DIAPH3: variants seen among roughly 807,000 people sequenced by gnomAD.
The protein encoded by DIAPH3 is diaphanous related formin 3.
A neutral mutation model predicts 144.3 loss-of-function variants in DIAPH3; 117 were observed. That is an observed-to-expected ratio of 0.81 (90% CI 0.70 to 0.95). The LOEUF is 0.95. Among genes scored for constraint, DIAPH3 ranks in the 40% least tolerant of loss-of-function variants. The pLI is 0.00. For synonymous variants in DIAPH3, 519 were observed against 488.9 expected, an observed-to-expected ratio of 1.06 and a Z score of -0.81; for missense variants, 1,421 against 1,412.7, an observed-to-expected ratio of 1.01 and a Z score of -0.09.
At chr13:60,149,896 T>C (rs898239564) in intron 1 of DIAPH3, among the ~76,000 whole-genome samples, 1 of 152,074 alleles carries the variant, frequency 6.6e-6, no homozygotes, top group Admixed American at 6.5e-5. Context: ...AAATAATAAA[T>C]GTCATCATGG....
intron 19 of DIAPH3, among the ~76,000 whole-genome samples, chr13:59,914,824 A>G (rs936614871): frequency 6.6e-6 from 1 of 152,226 alleles, no homozygotes; most frequent in Non-Finnish European, 1.5e-5. Context: ...TGATGTTAGC[A>G]TAGTAAGACC....
chr13:59,852,619 T>TA (rs2043041929), intron 22 of DIAPH3, among the ~76,000 whole-genome samples: 1 of 152,198 alleles, frequency 6.6e-6, no homozygotes, highest in African/African-American at 2.4e-5. Flanking sequence ...GTCCAACTCG[T>TA]AAAAATGCAT....
At chr13:60,093,564 A>C in intron 4 of DIAPH3, 64 bp downstream of exon 4, 2 of 1,109,572 alleles carry the variant, frequency 1.8e-6, no homozygotes, top group East Asian at 4.8e-5. Flanking sequence ...TCATTAGATA[A>C]ATGTGCTGTT....
chr13:59,956,637 C>T (rs1463802820), intron 17 of DIAPH3, among the ~76,000 whole-genome samples: 1 of 152,224 alleles, frequency 6.6e-6, no homozygotes, highest in Non-Finnish European at 1.5e-5. Flanking sequence ...CACACAAAGT[C>T]CCCACTAGGG....
chr13:60,085,353 A>G (rs1409130391), intron 4 of DIAPH3, among the ~76,000 whole-genome samples: 3 of 152,090 alleles, frequency 2.0e-5, no homozygotes, highest in African/African-American at 7.2e-5. Flanking sequence ...GTCCATGCTT[A>G]GCCTTTAAAT....
chr13:59,723,694 TC>T (rs1348394605), intron 27 of DIAPH3, among the ~76,000 whole-genome samples: 2 of 151,886 alleles, frequency 1.3e-5, no homozygotes, highest in Non-Finnish European at 2.9e-5. Flanking sequence ...CGCTGCAATC[TC>T]CGCCTCCTGG....
At chr13:60,116,207 T>C (rs186772657) in intron 2 of DIAPH3, among the ~76,000 whole-genome samples, 3 of 152,110 alleles carry the variant, frequency 2.0e-5, no homozygotes, top group Admixed American at 6.5e-5. Flanking sequence ...TAAATAATTA[T>C]CAAGTGGAAG....
At chr13:59,915,872 G>A (rs966982969) in intron 19 of DIAPH3, among the ~76,000 whole-genome samples, 1 of 151,964 alleles carries the variant, frequency 6.6e-6, no homozygotes, top group Non-Finnish European at 1.5e-5. Context: ...CATTAATAAA[G>A]TATAACAAAA....
intron 3 of DIAPH3, among the ~76,000 whole-genome samples, chr13:60,106,218 G>A (rs948879100): frequency 6.6e-6 from 1 of 152,014 alleles, no homozygotes; most frequent in Non-Finnish European, 1.5e-5. Context: ...GACAACAGAC[G>A]TAAATGCAGA....
At chr13:59,899,818 G>T (rs1182092324) in intron 20 of DIAPH3, among the ~76,000 whole-genome samples, 1 of 152,044 alleles carries the variant, frequency 6.6e-6, no homozygotes, top group African/African-American at 2.4e-5. Flanking sequence ...TGTACCTTTT[G>T]CCATCAATTA....
chr13:60,025,970 G>A (rs2054345149), intron 5 of DIAPH3, among the ~76,000 whole-genome samples: 1 of 152,130 alleles, frequency 6.6e-6, no homozygotes, highest in Admixed American at 6.5e-5. Flanking sequence ...TCTTGAAGTG[G>A]AATGATGCTC....
At chr13:59,977,092 G>GC (rs1204486410) in intron 14 of DIAPH3, among the ~76,000 whole-genome samples, 2 of 151,596 alleles carry the variant, frequency 1.3e-5, no homozygotes, top group Non-Finnish European at 2.9e-5. Context: ...CCCGAGATAT[G>GC]CCCCCTCAGA....
chr13:59,991,367 T>G lies in DIAPH3; in HGVS notation c.1245-93A>C, dbSNP rs2051798059. On this transcript the variant is annotated intron_variant, in intron 11 of 27. Transcript: ENST00000400324. ...AATTTGTCCTGTAAGGTTTTGGAAC[T>G]GTAATACAGGCATCTTATATATTCA... 5 of 864,170 alleles carry G rather than the reference T, an allele frequency of 5.8e-6. No individual in the cohort carries two copies. In the East Asian group the frequency reaches 1.2e-4, roughly 21 times the overall value. The allele number at this position is 864,170 out of a possible 1,614,324, so 53.5% of individuals were successfully genotyped here. A position where few individuals can be genotyped will look rare whatever the true frequency, so the allele number is the denominator to read the frequency against.
chr13:59,704,942 C>T (rs1042067587), intron 27 of DIAPH3, among the ~76,000 whole-genome samples: 1 of 152,114 alleles, frequency 6.6e-6, no homozygotes, highest in Admixed American at 6.6e-5. Flanking sequence ...ATTTTTTTCA[C>T]AGCTGCACCC....
At position 59,905,221 on chromosome 13, in the gene DIAPH3, T is replaced by C. The variant is rs184230210; in HGVS notation, c.2367+6514A>G. 2.5e-3 allele frequency among the ~76,000 whole-genome samples: 385 copies of C among 151,550 alleles called. 2 individuals are homozygous for C. Among genetic ancestry groups the C allele is most frequent in the African/African-American group, 8.9e-3 (367 of 41,282 alleles). On this transcript the variant is annotated intron_variant, in intron 20 of 27. Coordinates refer to ENST00000400324, the MANE Select transcript of DIAPH3 (RefSeq NM_001042517.2). ...AGCCGGGCGTGGTGGCGGGCGCCTA[T>C]AGTCCCAGCTACTCGGGAGGCTGAG...
rs545875255 is a variant in DIAPH3 at position 59,707,417 on chromosome 13, T to C, written c.3320-40571A>G. On this transcript the variant is annotated intron_variant, in intron 27 of 27. Transcript: ENST00000400324. ...AATGTGAAAGCTCACAGAAATAAAA[T>C]GGACTTTCTCACAGTTACAACGTAT... Among the ~76,000 whole-genome samples the C allele has an allele frequency of 2.0e-5, 3 of 152,226 alleles. No individual in the cohort carries two copies. The South Asian group carries it at 6.2e-4, about 32-fold the overall frequency.
intron 17 of DIAPH3, among the ~76,000 whole-genome samples, chr13:59,963,813 C>T (rs2049905148): frequency 6.6e-6 from 1 of 152,186 alleles, no homozygotes; most frequent in African/African-American, 2.4e-5. Flanking sequence ...CTGTCTTGGC[C>T]TCCCAAAGCA....
At chr13:60,043,253 G>A (rs956156448) in intron 4 of DIAPH3, among the ~76,000 whole-genome samples, 8 of 152,128 alleles carry the variant, frequency 5.3e-5, no homozygotes, top group Non-Finnish European at 1.0e-4. Flanking sequence ...CTAGTTCTAG[G>A]CACTGTAGAC....
intron 23 of DIAPH3, among the ~76,000 whole-genome samples, chr13:59,834,748 C>T (rs553973713): frequency 4.6e-5 from 7 of 151,764 alleles, no homozygotes; most frequent in South Asian, 2.1e-4. Flanking sequence ...TGGAAAAATA[C>T]GTGAGATACT....
Sources: gnomAD v4.1 joint callset for allele counts (sites outside exome capture counted in the v4.1 genomes callset) on GRCh38, gnomAD v4.1.1 for gene constraint, MANE v1.5 for transcripts, NCBI Gene and HGNC (gene_info 2026-07-23, HGNC 2026-07-21) for gene names.